Variants in NIPBL observed in about 807,000 individuals in gnomAD.
NIPBL encodes the protein nipped-B-like protein.
In NIPBL, 19 loss-of-function variants were observed where a neutral mutation model predicts 321.8. That is an observed-to-expected ratio of 0.06 (90% CI 0.04 to 0.09). NIPBL has a LOEUF of 0.09. NIPBL is among the 10% of genes least tolerant of loss of function. The pLI is 1.00. For synonymous variants in NIPBL, 1,106 were observed against 1,114.1 expected, an observed-to-expected ratio of 0.99 and a Z score of 0.14; for missense variants, 2,210 against 3,327.0, an observed-to-expected ratio of 0.66 and a Z score of 8.26.
intron 1 of NIPBL, chr5:36,885,421 A>G (rs1745819290): frequency 2.2e-6 from 1 of 454,534 alleles, no homozygotes; most frequent in Non-Finnish European, 4.3e-6. Flanking sequence ...AGGGTCTGGC[A>G]GGAATGGGAG....
chr5:36,958,341 C>G, intron 4 of NIPBL, 110 bp downstream of exon 4: 1 of 1,016,430 alleles, frequency 9.8e-7, no homozygotes, highest in Non-Finnish European at 1.5e-6. Flanking sequence ...TTTATGCCTT[C>G]AGTCAAGCCA....
In NIPBL at chr5:37,022,033, TC is replaced by T. The variant is rs773593197; in HGVS notation, c.5329-17del. 1.8e-5 allele frequency: 29 copies of T among 1,603,264 alleles called. No individual in the cohort carries two copies. In the African/African-American group the frequency reaches 3.6e-4, roughly 20 times the overall value. ...ATGTATTCTAAAATTTACAAAAATG[TC>T]AATGTTTGCTTGGCAGATCCTACGA... On this transcript the variant is annotated splice_polypyrimidine_tract_variant and intron_variant, in intron 27 of 46. Coordinates refer to ENST00000282516, the MANE Select transcript of NIPBL (RefSeq NM_133433.4).
At chr5:37,062,061 C>CA (rs1350728263) in intron 45 of NIPBL, among the ~76,000 whole-genome samples, 1 of 152,134 alleles carries the variant, frequency 6.6e-6, no homozygotes, top group East Asian at 1.9e-4. Flanking sequence ...AGGCTGGTCT[C>CA]AAACTCCTGA....
At chr5:37,058,610 C>T (rs1276038360) in intron 43 of NIPBL, among the ~76,000 whole-genome samples, 1 of 152,034 alleles carries the variant, frequency 6.6e-6, no homozygotes, top group Non-Finnish European at 1.5e-5. Flanking sequence ...TTATAACTAT[C>T]TTTTATTACT....
chr5:37,011,929 A>C (rs1207452838), intron 21 of NIPBL, among the ~76,000 whole-genome samples: 1 of 152,098 alleles, frequency 6.6e-6, no homozygotes, highest in Non-Finnish European at 1.5e-5. Flanking sequence ...TACATGCATT[A>C]AATTTACTGG....
chr5:36,921,752 T>G (rs1748958847), intron 1 of NIPBL, among the ~76,000 whole-genome samples: 1 of 152,200 alleles, frequency 6.6e-6, no homozygotes, highest in Non-Finnish European at 1.5e-5. Flanking sequence ...CAGAATTGAT[T>G]GTTGCTTAAA....
At chr5:36,937,383 A>G (rs766287979) in intron 1 of NIPBL, among the ~76,000 whole-genome samples, 55 of 152,196 alleles carry the variant, frequency 3.6e-4, no homozygotes, top group Non-Finnish European at 6.5e-4. Context: ...AAATGTATTA[A>G]TAGAGGACTG....
intron 1 of NIPBL, among the ~76,000 whole-genome samples, chr5:36,915,599 A>G (rs1311465892): frequency 6.6e-6 from 1 of 152,194 alleles, no homozygotes; most frequent in Non-Finnish European, 1.5e-5. Flanking sequence ...TAACTATGGA[A>G]TGAAGGGGAG....
rs1192385153 is a variant in NIPBL, at chr5:37,012,481, T to TA, written c.4561-2201dup. On this transcript the variant is annotated intron_variant, in intron 21 of 46. Coordinates refer to ENST00000282516, the MANE Select transcript of NIPBL (RefSeq NM_133433.4). Reference sequence around the variant, plus strand: ...ATTTTTTTTTTTTTTTTTTTTTTTTTATTCATTCTTGGGTGTTTCTCGCAG... The same window carrying TA: ...ATTTTTTTTTTTTTTTTTTTTTTTTTAATTCATTCTTGGGTGTTTCTCGCAG... Among the ~76,000 whole-genome samples, 1,050 of 145,148 alleles carry TA rather than the reference T, an allele frequency of 7.2e-3. 5 individuals carry two copies. The highest frequency in any genetic ancestry group is 0.02 in the African/African-American group (774 of 38,874).
intron 3 of NIPBL, among the ~76,000 whole-genome samples, chr5:36,957,625 A>G (rs1741111501): frequency 1.3e-5 from 2 of 152,180 alleles, no homozygotes; most frequent in African/African-American, 2.4e-5. Flanking sequence ...GATTGTCCTT[A>G]GAAGAATCCC....
chr5:36,993,151 G>GA (rs1162330334), intron 10 of NIPBL, among the ~76,000 whole-genome samples: 5 of 152,172 alleles, frequency 3.3e-5, no homozygotes, highest in Non-Finnish European at 7.3e-5. Flanking sequence ...GAAACCTGTG[G>GA]AATAGACAAT....
chr5:37,055,393 AAAAG>A, intron 42 of NIPBL, among the ~76,000 whole-genome samples: 1 of 151,992 alleles, frequency 6.6e-6, no homozygotes, highest in South Asian at 2.1e-4. Context: ...AGTAGAAAAG[AAAAG>A]AAAGTTGAGG....
chr5:37,062,137 G>A (rs1754771721), intron 45 of NIPBL, among the ~76,000 whole-genome samples: 2 of 152,200 alleles, frequency 1.3e-5, no homozygotes, highest in South Asian at 4.1e-4. Context: ...TACCTGGCCA[G>A]TGCTGTTATT....
At chr5:37,016,633 C>T (rs532364006) in intron 23 of NIPBL, among the ~76,000 whole-genome samples, 1 of 152,206 alleles carries the variant, frequency 6.6e-6, no homozygotes, top group African/African-American at 2.4e-5. Flanking sequence ...CACATTGTTA[C>T]AAAGCTTCTG....
intron 4 of NIPBL, among the ~76,000 whole-genome samples, chr5:36,959,772 A>G (rs762625194): frequency 2.0e-5 from 3 of 152,252 alleles, no homozygotes; most frequent in Non-Finnish European, 2.9e-5. Flanking sequence ...CCTCTCAGTC[A>G]CATATTTTGT....
At chr5:36,926,618 A>G (rs1205553600) in intron 1 of NIPBL, among the ~76,000 whole-genome samples, 1 of 152,186 alleles carries the variant, frequency 6.6e-6, no homozygotes, top group Non-Finnish European at 1.5e-5. Flanking sequence ...TTTCTGCTGC[A>G]TTTTATTCAC....
chr5:36,892,488 C>T (rs931849983), intron 1 of NIPBL, among the ~76,000 whole-genome samples: 12 of 152,116 alleles, frequency 7.9e-5, no homozygotes, highest in East Asian at 1.9e-4. Context: ...CACATGCACA[C>T]GTATGTTTAT....
chr5:37,037,939 A>G (rs1431609158), intron 33 of NIPBL, among the ~76,000 whole-genome samples: 1 of 148,560 alleles, frequency 6.7e-6, no homozygotes, highest in South Asian at 2.1e-4. Context: ...ACCCTTAAAC[A>G]CAGTTTCACC....
At chr5:36,980,652 A>G (rs1580383894) in intron 9 of NIPBL, among the ~76,000 whole-genome samples, 1 of 151,666 alleles carries the variant, frequency 6.6e-6, no homozygotes, top group South Asian at 2.1e-4. Context: ...CATATAGCCT[A>G]GGTACATAGT....
Sources: allele counts gnomAD v4.1 joint callset (sites outside exome capture counted in the v4.1 genomes callset), GRCh38; gene constraint gnomAD v4.1.1; transcripts MANE v1.5; gene names NCBI Gene and HGNC (gene_info 2026-07-23, HGNC 2026-07-21).